The following NRXN1 variants were observed in gnomAD, a reference collection of about 807,000 sequenced individuals.
The protein encoded by NRXN1 is neurexin-1.
A neutral mutation model predicts 150.9 loss-of-function variants in NRXN1; 39 were observed. That is an observed-to-expected ratio of 0.26 (90% CI 0.20 to 0.34). The LOEUF (loss-of-function observed/expected upper bound fraction) is 0.34, where lower values mean the gene tolerates loss of function less well. Among genes scored for constraint, NRXN1 ranks in the 10% least tolerant of loss-of-function variants. NRXN1 has a pLI of 1.00. For missense variants in NRXN1, 1,815 were observed against 1,949.9 expected (o/e 0.93, Z 1.30); for synonymous variants, 924 against 757.0 (o/e 1.22, Z -3.62).
At chr2:50,211,502 A>G (rs2063011263) in intron 18 of NRXN1, among the ~76,000 whole-genome samples, 1 of 151,578 alleles carries the variant, frequency 6.6e-6, no homozygotes, top group South Asian at 2.1e-4. Flanking sequence ...TTCATATTAA[A>G]TGATAATAAG....
intron 21 of NRXN1, among the ~76,000 whole-genome samples, chr2:49,994,837 A>G (rs1346445913): frequency 3.3e-5 from 5 of 152,246 alleles, no homozygotes; most frequent in Non-Finnish European, 7.3e-5. Flanking sequence ...AGAAGTTAAT[A>G]AACAGGTTGG....
intron 13 of NRXN1, among the ~76,000 whole-genome samples, chr2:50,499,517 A>C (rs184656852): frequency 5.3e-5 from 8 of 152,130 alleles, no homozygotes. Context: ...TTCTTGTTCA[A>C]TGACCTCAAT....
intron 17 of NRXN1, among the ~76,000 whole-genome samples, chr2:50,292,780 C>T (rs1461882826): frequency 6.6e-6 from 1 of 152,110 alleles, no homozygotes. Context: ...TTTGATGCTG[C>T]CTTTAGAGGC....
At chr2:50,745,300 C>CA (rs1554039477) in intron 5 of NRXN1, among the ~76,000 whole-genome samples, 1 of 31,758 alleles carries the variant, frequency 3.1e-5, no homozygotes, top group Non-Finnish European at 6.6e-5. Flanking sequence ...TTTATATCTG[C>CA]CCCCCCCCAG....
intron 5 of NRXN1, among the ~76,000 whole-genome samples, chr2:50,913,874 A>G (rs531680481): frequency 2.8e-4 from 43 of 151,896 alleles, no homozygotes; most frequent in South Asian, 2.1e-3. Context: ...ATGTGGCTAC[A>G]TTTCTTAATA....
chr2:50,407,743 C>A (rs1043191854), intron 17 of NRXN1, among the ~76,000 whole-genome samples: 4 of 152,004 alleles, frequency 2.6e-5, no homozygotes, highest in Admixed American at 6.6e-5. Context: ...TGTAGAGAGA[C>A]CTCCGCAGCA....
intron 18 of NRXN1, among the ~76,000 whole-genome samples, chr2:50,115,164 C>A (rs1184585338): frequency 7.1e-6 from 1 of 141,148 alleles, no homozygotes; most frequent in Non-Finnish European, 1.5e-5. Context: ...TTTTTGTGAA[C>A]CTAAAACTAC....
At chr2:50,933,897 T>C (rs530944292) in intron 2 of NRXN1, among the ~76,000 whole-genome samples, 1 of 152,288 alleles carries the variant, frequency 6.6e-6, no homozygotes, top group South Asian at 2.1e-4. Flanking sequence ...ACTTTACTTT[T>C]TAAAAATGTA....
At chr2:50,158,093 G>A (rs2059136381) in intron 18 of NRXN1, among the ~76,000 whole-genome samples, 1 of 150,774 alleles carries the variant, frequency 6.6e-6, no homozygotes, top group African/African-American at 2.4e-5. Flanking sequence ...GTGTGTGTGT[G>A]TGTGTGTGTG....
intron 21 of NRXN1, among the ~76,000 whole-genome samples, chr2:49,961,805 G>A (rs567376086): frequency 6.6e-6 from 1 of 152,266 alleles, no homozygotes; most frequent in Admixed American, 6.5e-5. Flanking sequence ...TATTTCCAAA[G>A]TGGATATGAA....
At chr2:50,732,630 C>A (rs1350994979) in intron 5 of NRXN1, among the ~76,000 whole-genome samples, 2 of 152,066 alleles carry the variant, frequency 1.3e-5, no homozygotes, top group Non-Finnish European at 2.9e-5. Context: ...TAAAATAGAG[C>A]AAAACTGACT....
chr2:50,624,372 C>A (rs1680607914), intron 5 of NRXN1, among the ~76,000 whole-genome samples: 1 of 152,034 alleles, frequency 6.6e-6, no homozygotes, highest in Non-Finnish European at 1.5e-5. Flanking sequence ...ACCATAAATG[C>A]ATATTGGATG....
intron 19 of NRXN1, among the ~76,000 whole-genome samples, chr2:50,088,338 C>A (rs1264063409): frequency 6.6e-6 from 1 of 152,082 alleles, no homozygotes; most frequent in African/African-American, 2.4e-5. Flanking sequence ...GAACACAGAG[C>A]AGATGATTAA....
chr2:50,792,811 T>G (rs1160258536), intron 5 of NRXN1, among the ~76,000 whole-genome samples: 2 of 152,012 alleles, frequency 1.3e-5, no homozygotes, highest in Admixed American at 6.6e-5. Flanking sequence ...TCTGAACAAC[T>G]CTAAAAAATA....
intron 12 of NRXN1, among the ~76,000 whole-genome samples, chr2:50,523,953 T>C (rs1225208581): frequency 4.6e-5 from 7 of 151,900 alleles, no homozygotes; most frequent in South Asian, 2.1e-4. Flanking sequence ...TGCTTAAATA[T>C]TTTTTTTAAC....
intron 17 of NRXN1, among the ~76,000 whole-genome samples, chr2:50,440,545 G>A (rs1353744197): frequency 2.0e-5 from 3 of 151,960 alleles, no homozygotes; most frequent in African/African-American, 7.3e-5. Context: ...AGAAAATAAG[G>A]CAGGAAAGGA....
Position 50,538,270 on chromosome 2 carries a change from C to A in NRXN1, c.2126G>T (p.Gly709Val). 6.2e-7 allele frequency: 1 copy of A among 1,611,562 alleles called. No individual in the cohort carries two copies. Among genetic ancestry groups the A allele is most frequent in the Non-Finnish European group, 8.5e-7 (1 of 1,177,984 alleles). ...AATCCTACCTCTCTCACAGGACCTG[C>A]CAAGATAGCCTGTTCCGGAACAATC... Reference protein sequence around the residue: ...VCDCSGTGYLGRSCEREATVL... With the variant: ...VCDCSGTGYLVRSCEREATVL... Residue 709 changes from glycine to valine, a missense_variant, in exon 10 of 23, where the codon GGC (glycine) becomes GTC (valine). Gly to Val is a moderately radical substitution (Grantham distance 109). This residue lies in a region of NRXN1 where 638 missense variants were observed against 652.6 expected (regional missense o/e 0.98). Transcript: ENST00000401669.
intron 5 of NRXN1, among the ~76,000 whole-genome samples, chr2:50,763,635 G>A (rs1040033381): frequency 4.6e-5 from 7 of 151,992 alleles, no homozygotes; most frequent in Admixed American, 3.9e-4. Context: ...TGTGGAAGGT[G>A]AAAGGAAGAT....
chr2:51,012,831 A>C (rs1333671154), intron 2 of NRXN1, among the ~76,000 whole-genome samples: 3 of 152,018 alleles, frequency 2.0e-5, no homozygotes, highest in Non-Finnish European at 2.9e-5. Context: ...CATGTTTTTC[A>C]TTTTGTGAGT....
Sources: allele counts gnomAD v4.1 joint callset (sites outside exome capture counted in the v4.1 genomes callset), GRCh38; gene constraint gnomAD v4.1.1; regional missense constraint gnomAD v4.1.1; transcripts MANE v1.5; gene names NCBI Gene and HGNC (gene_info 2026-07-23, HGNC 2026-07-21).